Variants in FHOD3 observed in about 807,000 individuals in gnomAD.
FHOD3 encodes the protein FH1/FH2 domain-containing protein 3.
In FHOD3, 90 loss-of-function variants were observed where a neutral mutation model predicts 173.0. The ratio of observed to expected loss-of-function variants is 0.52; its 90% CI spans 0.44 to 0.62. The LOEUF is 0.62. Ranked by LOEUF, FHOD3 falls within the 20% of genes least tolerant of loss-of-function variation. FHOD3 has a pLI of 0.00. For missense variants in FHOD3, 1,945 were observed against 2,034.7 expected, an observed-to-expected ratio of 0.96 and a Z score of 0.85; for synonymous variants, 828 against 823.0, an observed-to-expected ratio of 1.01 and a Z score of -0.10.
intron 5 of FHOD3, among the ~76,000 whole-genome samples, chr18:36,521,533 C>A (rs1192422786): frequency 6.6e-6 from 1 of 152,142 alleles, no homozygotes; most frequent in Non-Finnish European, 1.5e-5. Flanking sequence ...CATCACCCAC[C>A]AAATTAGGGC....
chr18:36,745,742 C>T (rs2042122011), intron 23 of FHOD3, among the ~76,000 whole-genome samples: 3 of 150,248 alleles, frequency 2.0e-5, no homozygotes, highest in South Asian at 2.1e-4. Flanking sequence ...GTGCACCTCC[C>T]GCTCACCCCC....
In FHOD3 at chr18:36,470,599, A is replaced by G. The variant is rs1172742895; in HGVS notation, c.338-31333A>G. Among the ~76,000 whole-genome samples the G allele has an allele frequency of 3.3e-5, 5 of 152,194 alleles. No homozygotes were observed. The East Asian group carries it at 9.6e-4, about 29-fold the overall frequency. ...ATATGTGTGTAATTGTATCGTTCTA[A>G]TAGAGTTTTAGCTGGTATGGAGCTT... On this transcript the variant is annotated intron_variant, in intron 3 of 28. Coordinates refer to ENST00000590592, the MANE Select transcript of FHOD3 (RefSeq NM_001281740.3).
intron 13 of FHOD3, 100 bp downstream of exon 13, chr18:36,653,516 G>C (rs937185084): frequency 4.7e-6 from 4 of 851,684 alleles, no homozygotes; most frequent in Non-Finnish European, 7.3e-6. Flanking sequence ...TTCCTACAAC[G>C]TGACACACAA....
At chr18:36,669,831 A>T (rs1273372677) in intron 14 of FHOD3, among the ~76,000 whole-genome samples, 7 of 151,904 alleles carry the variant, frequency 4.6e-5, no homozygotes, top group Admixed American at 4.6e-4. Context: ...TACCTGTGTC[A>T]TTATCTTTTC....
At chr18:36,401,080 C>T (rs1330160903) in intron 3 of FHOD3, among the ~76,000 whole-genome samples, 1 of 152,116 alleles carries the variant, frequency 6.6e-6, no homozygotes, top group African/African-American at 2.4e-5. Context: ...GTTTGGCCAG[C>T]ATTTTGCAGG....
chr18:36,309,340 G>C (rs1364857472), intron 1 of FHOD3, among the ~76,000 whole-genome samples: 1 of 152,202 alleles, frequency 6.6e-6, no homozygotes, highest in Non-Finnish European at 1.5e-5. Context: ...CAGCAGCTCT[G>C]ATTAATGGGA....
rs1226057844 is a variant in FHOD3, at chr18:36,709,168, T to C, written c.2310T>C (p.Asp770=). 1.2e-6 allele frequency: 2 copies of C among 1,613,948 alleles called. No individual in the cohort carries two copies. The highest frequency in any genetic ancestry group is 2.7e-5 in the African/African-American group (2 of 74,878). ...EAEAGAGQVA[D]EAGQDIASAH... ...AGGCAGGGGCGGGGCAGGTTGCTGA[T>C]GAAGCTGGCCAGGACATAGCCTCTG... Residue 770 remains aspartate (D), a synonymous_variant, in exon 18 of 29, where the codon GAT becomes GAC. Transcript: ENST00000590592.
At chr18:36,741,405 A>C (rs1308491037) in intron 21 of FHOD3, among the ~76,000 whole-genome samples, 1 of 152,158 alleles carries the variant, frequency 6.6e-6, no homozygotes, top group Non-Finnish European at 1.5e-5. Flanking sequence ...CCAGTGTAGA[A>C]GAAAAGGAGG....
chr18:36,323,047 G>A (rs1568121302), intron 1 of FHOD3, among the ~76,000 whole-genome samples: 1 of 152,166 alleles, frequency 6.6e-6, no homozygotes, highest in Non-Finnish European at 1.5e-5. Flanking sequence ...ATCTCCCTGA[G>A]CTTCAGTTTC....
rs75488396 is a variant in FHOD3 at position 36,362,581 on chromosome 18, C to G, written c.272+6936C>G. On this transcript the variant is annotated intron_variant, in intron 2 of 28. Transcript: ENST00000590592. ...AATACTGGAGAGGCTAGGGGTGATT[C>G]CTTGGAGGGAGCTACAGAGTCTGGA... 8.3e-3 allele frequency among the ~76,000 whole-genome samples: 1,262 copies of G among 152,160 alleles called. 14 individuals carry two copies. Among genetic ancestry groups the G allele is most frequent in the African/African-American group, 0.028 (1,175 of 41,494 alleles).
At chr18:36,719,280 T>A (rs2040629556) in intron 19 of FHOD3, among the ~76,000 whole-genome samples, 1 of 152,220 alleles carries the variant, frequency 6.6e-6, no homozygotes, top group Non-Finnish European at 1.5e-5. Context: ...GCCTCTAGAT[T>A]TAGTATTTTG....
chr18:36,776,988 C>T (rs564281420), intron 28 of FHOD3, among the ~76,000 whole-genome samples: 64 of 152,272 alleles, frequency 4.2e-4, no homozygotes, highest in African/African-American at 1.4e-3. Flanking sequence ...TGAGCAGTTA[C>T]AGGACTAAAG....
At chr18:36,467,795 T>C (rs1343318408) in intron 3 of FHOD3, among the ~76,000 whole-genome samples, 1 of 152,224 alleles carries the variant, frequency 6.6e-6, no homozygotes. Flanking sequence ...GCCACAGAGA[T>C]GGGCTCTGTT....
chr18:36,350,984 A>T (rs1025082515), intron 1 of FHOD3, among the ~76,000 whole-genome samples: 9 of 152,158 alleles, frequency 5.9e-5, no homozygotes, highest in Non-Finnish European at 1.2e-4. Context: ...GCCAAGAAGC[A>T]CTGTGTTCTT....
intron 3 of FHOD3, among the ~76,000 whole-genome samples, chr18:36,478,904 G>A (rs1359569964): frequency 6.6e-6 from 1 of 152,064 alleles, no homozygotes; most frequent in Non-Finnish European, 1.5e-5. Context: ...ACTAAGACTT[G>A]AGTTCTTATT....
chr18:36,550,970 G>A (rs1168938614), intron 5 of FHOD3, among the ~76,000 whole-genome samples: 1 of 152,104 alleles, frequency 6.6e-6, no homozygotes, highest in African/African-American at 2.4e-5. Context: ...AGTGATAAGA[G>A]TAGACATCCT....
intron 3 of FHOD3, among the ~76,000 whole-genome samples, chr18:36,468,703 T>G (rs1201983417): frequency 6.6e-6 from 1 of 152,102 alleles, no homozygotes; most frequent in Non-Finnish European, 1.5e-5. Context: ...ACTTGGAGGT[T>G]GGTGGCAGAG....
chr18:36,325,506 C>T (rs1411862514), intron 1 of FHOD3, among the ~76,000 whole-genome samples: 1 of 152,140 alleles, frequency 6.6e-6, no homozygotes, highest in Non-Finnish European at 1.5e-5. Context: ...AGTGCTTTAG[C>T]ACTGTGGTCT....
intron 3 of FHOD3, among the ~76,000 whole-genome samples, chr18:36,446,301 G>C (rs757607707): frequency 7.9e-5 from 12 of 152,136 alleles, no homozygotes; most frequent in African/African-American, 2.9e-4. Context: ...CATTAGTCGC[G>C]GTGAAATCAC....
Sources: allele counts gnomAD v4.1 joint callset (sites outside exome capture counted in the v4.1 genomes callset), GRCh38; gene constraint gnomAD v4.1.1; transcripts MANE v1.5; gene names NCBI Gene and HGNC (gene_info 2026-07-23, HGNC 2026-07-21).